The following CCDC88A variants were observed in gnomAD, a reference collection of about 807,000 sequenced individuals.
The protein encoded by CCDC88A is coiled-coil and HOOK domain protein 88A.
CCDC88A carries 54 observed loss-of-function variants against 234.3 expected under a neutral mutation model. The observed-to-expected ratio is 0.23, with a 90% confidence interval of 0.19 to 0.29. CCDC88A has a LOEUF of 0.29. CCDC88A is among the 10% of genes least tolerant of loss of function. The pLI, the probability that CCDC88A is intolerant of heterozygous loss-of-function variation, is 1.00. For missense variants in CCDC88A, 1,832 were observed against 2,123.4 expected, an observed-to-expected ratio of 0.86 and a Z score of 2.70; for synonymous variants, 753 against 737.8, an observed-to-expected ratio of 1.02 and a Z score of -0.33.
Position 55,296,339 on chromosome 2 carries a change from C to G in CCDC88A, c.5010G>C (p.Lys1670Asn). The G allele has an allele frequency of 6.2e-7, 1 of 1,614,172 alleles. No individual in the cohort carries two copies. The highest frequency in any genetic ancestry group is 8.5e-7 in the Non-Finnish European group (1 of 1,180,012). ...ISETLESRHH[K>N]IKTGSPGSEV... is the part of the protein sequence containing the mutation. ...CACTTCCAGGGGAACCAGTTTTGAT[C>G]TTGTGATGTCGACTCTCCAGTGTTT... Residue 1670 changes from lysine to asparagine, a missense_variant, in exon 30 of 33, where the codon AAG (lysine) becomes AAC (asparagine). By Grantham distance (94) the Lys-to-Asn change is moderately conservative (BLOSUM62 0). This residue lies in a region of CCDC88A where 422 missense variants were observed against 416.5 expected (regional missense o/e 1.01). Coordinates refer to ENST00000436346, the MANE Select transcript of CCDC88A (RefSeq NM_001365480.1).
At chr2:55,373,142 G>A (rs1042393929) in intron 4 of CCDC88A, among the ~76,000 whole-genome samples, 1 of 151,966 alleles carries the variant, frequency 6.6e-6, no homozygotes, top group Non-Finnish European at 1.5e-5. Flanking sequence ...TATTCAACTG[G>A]AAAAAAATCA....
intron 17 of CCDC88A, among the ~76,000 whole-genome samples, chr2:55,326,247 G>A (rs1197718058): frequency 2.0e-5 from 3 of 151,494 alleles, no homozygotes; most frequent in South Asian, 2.1e-4. Flanking sequence ...AAACCCCTGC[G>A]CTCAAGCGAA....
chr2:55,358,724 T>C (rs1020553906), intron 7 of CCDC88A, among the ~76,000 whole-genome samples: 4 of 152,108 alleles, frequency 2.6e-5, no homozygotes, highest in Admixed American at 2.0e-4. Flanking sequence ...TCTTTCTTCT[T>C]ATTGGCTTTT....
chr2:55,310,644 G>C (rs1162737607), intron 23 of CCDC88A, among the ~76,000 whole-genome samples: 1 of 152,124 alleles, frequency 6.6e-6, no homozygotes, highest in African/African-American at 2.4e-5. Context: ...TATTTGAGAG[G>C]GAAGGCTGAA....
intron 13 of CCDC88A, chr2:55,337,644 C>A (rs1032754104): frequency 6.6e-5 from 10 of 152,030 alleles, no homozygotes; most frequent in African/African-American, 2.4e-4. Context: ...CTGGGCAACA[C>A]AGTGAAACGA....
intron 16 of CCDC88A, chr2:55,331,904 A>G (rs1418736557): frequency 6.6e-6 from 1 of 151,932 alleles, no homozygotes; most frequent in Non-Finnish European, 1.5e-5. Flanking sequence ...ATATTTAAGC[A>G]CATGATTCAA....
intron 31 of CCDC88A, 113 bp downstream of exon 31, chr2:55,295,484 G>T (rs1385443587): frequency 1.3e-6 from 2 of 1,591,748 alleles, no homozygotes; most frequent in Admixed American, 1.8e-5. Flanking sequence ...TTCTAGCCTG[G>T]GCATATAGAG....
At chr2:55,354,040 C>T (rs1670237485) in intron 8 of CCDC88A, among the ~76,000 whole-genome samples, 1 of 152,010 alleles carries the variant, frequency 6.6e-6, no homozygotes, top group Admixed American at 6.5e-5. Flanking sequence ...GTACTGAATA[C>T]TGTAGGCAAC....
At chr2:55,393,466 G>A (rs1161710053) in intron 2 of CCDC88A, among the ~76,000 whole-genome samples, 2 of 150,938 alleles carry the variant, frequency 1.3e-5, no homozygotes, top group Non-Finnish European at 1.5e-5. Context: ...AATTTTTTTT[G>A]TATTTTTAGT....
chr2:55,327,269 A>G (rs1405803848), intron 17 of CCDC88A, among the ~76,000 whole-genome samples: 1 of 152,210 alleles, frequency 6.6e-6, no homozygotes, highest in Non-Finnish European at 1.5e-5. Context: ...ATTGAAAAAA[A>G]TGACTATTTA....
chr2:55,326,467 A>G (rs1370729032), intron 17 of CCDC88A, among the ~76,000 whole-genome samples: 2 of 152,242 alleles, frequency 1.3e-5, no homozygotes, highest in Non-Finnish European at 2.9e-5. Context: ...ACCTCTTCAC[A>G]TATAGTATTA....
intron 11 of CCDC88A, 163 bp downstream of exon 11, chr2:55,344,205 A>T (rs1201925738): frequency 4.7e-6 from 2 of 423,224 alleles, no homozygotes; most frequent in East Asian, 7.2e-5. Context: ...AATTTCTACT[A>T]CTTTTATATT....
chr2:55,418,719 A>T, intron 2 of CCDC88A, 97 bp downstream of exon 2: 1 of 928,144 alleles, frequency 1.1e-6, no homozygotes, highest in East Asian at 2.5e-5. Flanking sequence ...ATTTCTGGCC[A>T]ATGAACCAAA....
chr2:55,339,772 T>C (rs1390001155), intron 12 of CCDC88A, 124 bp from the exon 13 acceptor site: 1 of 646,300 alleles, frequency 1.5e-6, no homozygotes, highest in Non-Finnish European at 2.5e-6. Flanking sequence ...TTATTAAAAA[T>C]TCAATGAGGT....
Position 55,310,824 on chromosome 2 carries a change from T to C in CCDC88A, c.4080-1570A>G, listed in dbSNP as rs560730882. ...TGCAGAAGAGTTGACATTTGAAAAG[T>C]TGTTAACAAGGCTGGAGTTCCCAGT... On this transcript the variant is annotated intron_variant, in intron 23 of 32. Transcript: ENST00000436346. 7.2e-5 allele frequency among the ~76,000 whole-genome samples: 11 copies of C among 152,326 alleles called. No individual in the cohort carries two copies. The East Asian group carries it at 9.6e-4, about 13-fold the overall frequency.
At chr2:55,374,079 T>C (rs1288052464) in intron 4 of CCDC88A, among the ~76,000 whole-genome samples, 1 of 152,160 alleles carries the variant, frequency 6.6e-6, no homozygotes, top group African/African-American at 2.4e-5. Context: ...TTAATATAAA[T>C]TAAAACATAT....
At chr2:55,416,447 T>TAA (rs1681454587) in intron 2 of CCDC88A, among the ~76,000 whole-genome samples, 3 of 61,606 alleles carry the variant, frequency 4.9e-5, no homozygotes, top group South Asian at 1.0e-3. Context: ...TAAATAAATA[T>TAA]ATATATATAT....
In CCDC88A at chr2:55,301,991, A is replaced by G. The variant is rs766916408; in HGVS notation, c.4553T>C (p.Ile1518Thr). ...STENLEVPDD[I>T]STGKRRKELG... ...TTCTTTTCTCCTTTTACCCGTTGAA[A>G]TATCATCAGGAACCTCCAAATTCTC... is the stretch of plus-strand genomic sequence containing the variant. Residue 1518 changes from isoleucine (I) to threonine (T), a missense_variant, in exon 27 of 33, where the codon ATT becomes ACT. Ile to Thr is a moderately conservative substitution (Grantham distance 89). Transcript: ENST00000436346. The G allele has an allele frequency of 1.9e-6, 3 of 1,614,118 alleles. No homozygotes were observed. The highest frequency in any genetic ancestry group is 1.1e-5 in the South Asian group (1 of 91,080).
chr2:55,396,364 G>C (rs1365278712), intron 2 of CCDC88A, among the ~76,000 whole-genome samples: 2 of 151,768 alleles, frequency 1.3e-5, no homozygotes, highest in African/African-American at 4.8e-5. Context: ...TTCTACATTT[G>C]AATCCCTTAC....
Sources: gnomAD v4.1 joint callset for allele counts (sites outside exome capture counted in the v4.1 genomes callset) on GRCh38, gnomAD v4.1.1 for gene constraint, gnomAD v4.1.1 regional missense constraint, MANE v1.5 for transcripts, NCBI Gene and HGNC (gene_info 2026-07-23, HGNC 2026-07-21) for gene names.